CELF1: variants seen among roughly 807,000 people sequenced by gnomAD.
The protein encoded by CELF1 is CUGBP Elav-like family member 1, also known as 50 kDa nuclear polyadenylated RNA-binding protein.
Under a neutral mutation model 61.8 loss-of-function variants are expected in CELF1, and 10 were observed. That is an observed-to-expected ratio of 0.16 (90% CI 0.10 to 0.27). CELF1 has a LOEUF of 0.27. Ranked by LOEUF, CELF1 falls within the 10% of genes least tolerant of loss-of-function variation. CELF1 has a pLI of 1.00. For synonymous variants in CELF1, 236 were observed against 225.1 expected (o/e 1.05, Z -0.43); for missense variants, 380 against 639.1 (o/e 0.59, Z 4.37).
chr11:47,548,722 C>T (rs2097052028), intron 1 of CELF1, among the ~76,000 whole-genome samples: 1 of 151,764 alleles, frequency 6.6e-6, no homozygotes, highest in African/African-American at 2.4e-5. Flanking sequence ...AAAAATTAGC[C>T]GGGCGTGGTA....
At chr11:47,519,775 A>C (rs1470566993) in intron 1 of CELF1, among the ~76,000 whole-genome samples, 1 of 151,930 alleles carries the variant, frequency 6.6e-6, no homozygotes, top group African/African-American at 2.4e-5. Context: ...AGGCAGGAGA[A>C]TGGCATGAAC....
chr11:47,498,177 C>G (rs1161158031), intron 3 of CELF1, among the ~76,000 whole-genome samples: 1 of 152,144 alleles, frequency 6.6e-6, no homozygotes, highest in Non-Finnish European at 1.5e-5. Context: ...GGTGCCGAGG[C>G]AGCAGGATAG....
At chr11:47,490,973 TGCCTTA>T (rs1307473043) in intron 3 of CELF1, among the ~76,000 whole-genome samples, 2 of 151,952 alleles carry the variant, frequency 1.3e-5, no homozygotes, top group Admixed American at 6.6e-5. Flanking sequence ...GTGATTTTCC[TGCCTTA>T]GCCTCCCAAG....
chr11:47,480,008 C>G (rs2082086370), intron 9 of CELF1, among the ~76,000 whole-genome samples: 1 of 151,984 alleles, frequency 6.6e-6, no homozygotes, highest in African/African-American at 2.4e-5. Flanking sequence ...GCCTGGCTAA[C>G]TCAAGTCCAC....
intron 9 of CELF1, among the ~76,000 whole-genome samples, chr11:47,481,581 T>C (rs1167330875): frequency 6.6e-6 from 1 of 152,232 alleles, no homozygotes; most frequent in Non-Finnish European, 1.5e-5. Context: ...ATACTAGCTA[T>C]TTCTATGTGA....
chr11:47,542,952 T>A (rs1565906207), intron 1 of CELF1, among the ~76,000 whole-genome samples: 1 of 151,620 alleles, frequency 6.6e-6, no homozygotes, highest in Non-Finnish European at 1.5e-5. Flanking sequence ...AGATCCCGTC[T>A]CTACAAATAC....
At chr11:47,517,105 G>T (rs2095596914) in intron 1 of CELF1, among the ~76,000 whole-genome samples, 1 of 151,798 alleles carries the variant, frequency 6.6e-6, no homozygotes, top group Non-Finnish European at 1.5e-5. Context: ...AAATTAGCTG[G>T]GTGTGGTGGC....
At chr11:47,527,228 AAAG>A (rs2096277352) in intron 1 of CELF1, among the ~76,000 whole-genome samples, 1 of 151,638 alleles carries the variant, frequency 6.6e-6, no homozygotes, top group South Asian at 2.1e-4. Context: ...ATCTCTACAG[AAAG>A]AAGTAAAAAA....
chr11:47,517,962 A>C (rs1565873850), intron 1 of CELF1, among the ~76,000 whole-genome samples: 1 of 152,078 alleles, frequency 6.6e-6, no homozygotes, highest in Non-Finnish European at 1.5e-5. Context: ...TTTTTAAAGA[A>C]AACTTGAGCT....
rs552070800 is a variant in CELF1 at position 47,475,373 on chromosome 11, T to C, written c.1236A>G (p.Thr412=). ...LPTLYNQNLL[T]QQSIGAAGSQ... ...TTCCAGCAGCACCAATACTCTGCTGTGTCAGAAGATTCTGGTTGTACAGAG... is the reference window on the plus strand; with the variant it reads ...TTCCAGCAGCACCAATACTCTGCTGCGTCAGAAGATTCTGGTTGTACAGAG... The change falls in exon 13 of 15, where the codon ACA becomes ACG. Residue 412 remains threonine (T), a synonymous_variant. Transcript: ENST00000687097. The C allele has an allele frequency of 6.2e-6, 10 of 1,614,022 alleles. No homozygotes were observed. In the South Asian group the frequency reaches 9.9e-5, roughly 16 times the overall value.
chr11:47,539,895 T>C (rs914284677), intron 1 of CELF1, among the ~76,000 whole-genome samples: 1 of 152,236 alleles, frequency 6.6e-6, no homozygotes, highest in African/African-American at 2.4e-5. Context: ...GAGCCTGAAC[T>C]TGGCTGCATA....
chr11:47,477,502 T>G, intron 10 of CELF1, 77 bp from the exon 11 acceptor site: 1 of 1,487,152 alleles, frequency 6.7e-7, no homozygotes, highest in Admixed American at 1.8e-5. Flanking sequence ...AAGCACACAC[T>G]GGCAGAGGGC....
chr11:47,534,977 C>A (rs1192532231), intron 1 of CELF1, among the ~76,000 whole-genome samples: 1 of 151,178 alleles, frequency 6.6e-6, no homozygotes, highest in East Asian at 1.9e-4. Context: ...GTGGAACAGT[C>A]AGAATTAGAA....
At chr11:47,561,346 G>C (rs577757966) in intron 2 of CELF1, among the ~76,000 whole-genome samples, 2 of 150,852 alleles carry the variant, frequency 1.3e-5, no homozygotes, top group Non-Finnish European at 1.5e-5. Flanking sequence ...GGGAGGCTGA[G>C]GCAGGAGAAT....
At chr11:47,481,698 G>A (rs1329651078) in intron 9 of CELF1, among the ~76,000 whole-genome samples, 1 of 151,954 alleles carries the variant, frequency 6.6e-6, no homozygotes, top group Non-Finnish European at 1.5e-5. Flanking sequence ...GTCTTGTGCT[G>A]GCCCAATTCT....
At chr11:47,545,676 A>C (rs1347971431) in intron 1 of CELF1, among the ~76,000 whole-genome samples, 1 of 151,810 alleles carries the variant, frequency 6.6e-6, no homozygotes, top group Non-Finnish European at 1.5e-5. Flanking sequence ...AGTTTTACAA[A>C]ATTTGTAGGA....
chr11:47,499,883 AAAC>A, intron 2 of CELF1: 1 of 183,474 alleles, frequency 5.5e-6, no homozygotes, highest in East Asian at 1.3e-4. Flanking sequence ...AGAGCAGAAG[AAAC>A]ACAAACTTGT....
chr11:47,525,928 CAAAAAAACAAACA>C lies in CELF1; in HGVS notation c.-153-25009_-153-24997del, dbSNP rs924344611. Among the ~76,000 whole-genome samples, 13 of 55,126 alleles carry C rather than the reference CAAAAAAACAAACA, an allele frequency of 2.4e-4. No individual in the cohort carries two copies. In the East Asian group the frequency reaches 2.9e-3, roughly 12 times the overall value. The allele number at this position is 55,126 out of a possible 152,430, so 36.2% of individuals were successfully genotyped here. A position where few individuals can be genotyped will look rare whatever the true frequency, so the allele number is the denominator to read the frequency against. Reference sequence around the variant, plus strand: ...GAACCCGTCTCTATCCACAAACAAACAAAAAAACAAACAAAAAAAAAAAAGGAAGAAAGAAAAG... The same window carrying C: ...GAACCCGTCTCTATCCACAAACAAACAAAAAAAAAAAGGAAGAAAGAAAAG... On this transcript the variant is annotated intron_variant, in intron 1 of 14. Coordinates refer to ENST00000687097, the MANE Select transcript of CELF1 (RefSeq NM_001376376.1).
At chr11:47,563,182 G>A (rs1319649873) in intron 2 of CELF1, among the ~76,000 whole-genome samples, 2 of 151,822 alleles carry the variant, frequency 1.3e-5, no homozygotes, top group East Asian at 3.9e-4. Flanking sequence ...CGCTGCCACT[G>A]CACTCTAGCC....
Sources: gnomAD v4.1 joint callset for allele counts (sites outside exome capture counted in the v4.1 genomes callset) on GRCh38, gnomAD v4.1.1 for gene constraint, MANE v1.5 for transcripts, NCBI Gene and HGNC (gene_info 2026-07-23, HGNC 2026-07-21) for gene names.